BCAS3: variants seen among roughly 807,000 people sequenced by gnomAD.
BCAS3 encodes BCAS3 microtubule associated cell migration factor.
In BCAS3, 53 loss-of-function variants were observed where a neutral mutation model predicts 116.1. That is an observed-to-expected ratio of 0.46 (90% CI 0.37 to 0.57). BCAS3 has a LOEUF of 0.57. Among genes scored for constraint, BCAS3 ranks in the 20% least tolerant of loss-of-function variants. The pLI, the probability that BCAS3 is intolerant of heterozygous loss-of-function variation, is 0.00. For synonymous variants in BCAS3, 391 were observed against 408.2 expected (o/e 0.96, Z 0.51); for missense variants, 917 against 1,165.4 (o/e 0.79, Z 3.10).
chr17:61,150,686 C>G (rs545379924), intron 22 of BCAS3, among the ~76,000 whole-genome samples: 108 of 152,302 alleles, frequency 7.1e-4, no homozygotes, highest in African/African-American at 2.5e-3. Context: ...CGTATAACTT[C>G]TCATAATTAG....
intron 5 of BCAS3, among the ~76,000 whole-genome samples, chr17:60,718,409 A>G (rs1285899942): frequency 4.6e-5 from 7 of 152,248 alleles, no homozygotes; most frequent in East Asian, 1.9e-4. Flanking sequence ...TTGCATGCAT[A>G]TAATTAACTA....
intron 22 of BCAS3, among the ~76,000 whole-genome samples, chr17:61,334,664 C>CAAAAAAAAAA (rs35400660): frequency 2.0e-5 from 1 of 50,888 alleles, no homozygotes; most frequent in African/African-American, 6.8e-5. Context: ...AACTCCATCT[C>CAAAAAAAAAA]AAAAAAAAAA....
rs1018636706 is a variant in BCAS3 at position 60,990,702 on chromosome 17, A to G, written c.1486+467A>G. On this transcript the variant is annotated intron_variant, in intron 15 of 23. Coordinates refer to ENST00000407086, the MANE Select transcript of BCAS3 (RefSeq NM_017679.5). The surrounding 1 kb of genome is among the most constrained non-coding windows in gnomAD (Gnocchi z 5.1). The stretch of plus-strand genomic sequence containing the variant: ...TGCACTGTAGCCTGGGCTGGCATGC[A>G]ATGGCGTGATCTCGGCTGACTGCAA... Among the ~76,000 whole-genome samples, 3 of 151,356 alleles carry G rather than the reference A, an allele frequency of 2.0e-5. No individual in the cohort carries two copies. Among genetic ancestry groups the G allele is most frequent in the African/African-American group, 4.9e-5 (2 of 41,122 alleles).
At position 61,380,546 on chromosome 17, in the gene BCAS3, G is replaced by A; in HGVS notation, c.2594-11431G>A. Reference sequence around the variant, plus strand: ...TAGCAGTAAAAACCTTCCCCCCTGAGAGACACGTGGCAGTGAAGTGTTTTG... The same window carrying A: ...TAGCAGTAAAAACCTTCCCCCCTGAAAGACACGTGGCAGTGAAGTGTTTTG... On this transcript the variant is annotated intron_variant, in intron 23 of 23. Coordinates refer to ENST00000407086, the MANE Select transcript of BCAS3 (RefSeq NM_017679.5). This position sits in a 1 kb window ranked among gnomAD's most constrained non-coding sequence, Gnocchi z 4.2. 1 of 1,598,290 alleles carries A rather than the reference G, an allele frequency of 6.3e-7. No homozygotes were observed.
intron 7 of BCAS3, among the ~76,000 whole-genome samples, chr17:60,848,488 G>A (rs1316399931): frequency 6.6e-6 from 1 of 152,076 alleles, no homozygotes; most frequent in Non-Finnish European, 1.5e-5. Flanking sequence ...TGGAATTTTC[G>A]ACATATAAGA....
chr17:60,888,313 GTTAGA>G (rs900497204), intron 9 of BCAS3, among the ~76,000 whole-genome samples: 5 of 152,176 alleles, frequency 3.3e-5, no homozygotes, highest in African/African-American at 1.2e-4. Context: ...TTTATTGAGA[GTTAGA>G]TTATTTAGTT....
intron 13 of BCAS3, among the ~76,000 whole-genome samples, chr17:60,933,348 A>T (rs968276396): frequency 6.6e-6 from 1 of 152,184 alleles, no homozygotes; most frequent in Admixed American, 6.5e-5. Context: ...TAATTCAGTA[A>T]ATAATTGATT....
chr17:61,312,409 G>A (rs999462196), intron 22 of BCAS3, among the ~76,000 whole-genome samples: 3 of 152,158 alleles, frequency 2.0e-5, no homozygotes, highest in South Asian at 4.1e-4. Context: ...TTGGCACACC[G>A]CAAATTGACA....
intron 6 of BCAS3, among the ~76,000 whole-genome samples, chr17:60,767,695 T>C (rs1049685599): frequency 1.3e-5 from 2 of 152,270 alleles, no homozygotes; most frequent in Admixed American, 6.5e-5. Flanking sequence ...ATTGTTTTCC[T>C]TTGGAGCTTT....
chr17:61,359,364 C>G (rs1212661650), intron 22 of BCAS3, among the ~76,000 whole-genome samples: 1 of 151,934 alleles, frequency 6.6e-6, no homozygotes, highest in Non-Finnish European at 1.5e-5. Context: ...TGAATCTGGG[C>G]AGCCTCCATT....
At position 61,028,182 on chromosome 17, in the gene BCAS3, T is replaced by G. The variant is rs922225225; in HGVS notation, c.1638-6484T>G. Among the ~76,000 whole-genome samples, 1 of 151,894 alleles carries G rather than the reference T, an allele frequency of 6.6e-6. No homozygotes were observed. ...AGGTTAATTATTATTTGACACAAAC[T>G]TATTTCAATGTTTATATGCCATAGG... On this transcript the variant is annotated intron_variant, in intron 16 of 23. Coordinates refer to ENST00000407086, the MANE Select transcript of BCAS3 (RefSeq NM_017679.5). The surrounding 1 kb of genome is among the most constrained non-coding windows in gnomAD (Gnocchi z 4.3).
At chr17:60,924,633 A>G (rs1461001243) in intron 13 of BCAS3, 133 bp downstream of exon 13, 6 of 559,838 alleles carry the variant, frequency 1.1e-5, no homozygotes, top group Non-Finnish European at 1.8e-5. Context: ...TTATTAAGTC[A>G]TTATATTGAA....
At chr17:61,000,771 T>C (rs1469036657) in intron 15 of BCAS3, among the ~76,000 whole-genome samples, 1 of 152,170 alleles carries the variant, frequency 6.6e-6, no homozygotes, top group Non-Finnish European at 1.5e-5. Flanking sequence ...AGGCTCAATG[T>C]TGATAAGCTC....
intron 22 of BCAS3, among the ~76,000 whole-genome samples, chr17:61,103,734 C>T (rs534336915): frequency 2.6e-5 from 4 of 152,268 alleles, no homozygotes; most frequent in African/African-American, 7.2e-5. Flanking sequence ...GTTTCTATTG[C>T]TCCCTCACAG....
chr17:61,288,049 ACAGT>A (rs1175308068), intron 22 of BCAS3, among the ~76,000 whole-genome samples: 3 of 152,360 alleles, frequency 2.0e-5, no homozygotes, highest in South Asian at 4.1e-4. Context: ...AGTGTAAAAG[ACAGT>A]CAGAAGCCCT....
rs921304307 is a variant in BCAS3 at position 61,388,446 on chromosome 17, C to A, written c.2594-3531C>A. 3 of 606,688 alleles carry A rather than the reference C, an allele frequency of 4.9e-6. No homozygotes were observed. Among genetic ancestry groups the A allele is most frequent in the African/African-American group, 1.9e-5 (1 of 53,644 alleles). 37.6% of individuals were successfully genotyped at this position (606,688 alleles called of 1,614,324 possible). Reference sequence around the variant, plus strand: ...TGGGACCCCCAAGACAGATTGGTCCCCAGCCCCTACACATGCATGTCACTG... The same window carrying A: ...TGGGACCCCCAAGACAGATTGGTCCACAGCCCCTACACATGCATGTCACTG... On this transcript the variant is annotated intron_variant, in intron 23 of 23. Transcript: ENST00000407086. The surrounding 1 kb of genome is among the most constrained non-coding windows in gnomAD (Gnocchi z 6.5).
In BCAS3 at chr17:60,889,732, T is replaced by A; in HGVS notation, c.699T>A (p.Ile233=). ...YPCPGPNMNP[I]ALGSRWLAYA... The stretch of plus-strand genomic sequence containing the variant: ...GTCCAGGGCCAAACATGAATCCTAT[T>A]GCTCTTGGGAGCCGCTGGCTTGCTT... Residue 233 remains isoleucine, a synonymous_variant, in exon 10 of 24, where the codon ATT becomes ATA. Coordinates refer to ENST00000407086, the MANE Select transcript of BCAS3 (RefSeq NM_017679.5). 1 of 1,613,450 alleles carries A rather than the reference T, an allele frequency of 6.2e-7. No homozygotes were observed. The highest frequency in any genetic ancestry group is 8.5e-7 in the Non-Finnish European group (1 of 1,179,972).
intron 19 of BCAS3, among the ~76,000 whole-genome samples, chr17:61,072,657 A>G (rs1391790934): frequency 6.8e-6 from 1 of 146,130 alleles, no homozygotes; most frequent in Non-Finnish European, 1.5e-5. Context: ...TTTCCATCAT[A>G]TTACTCGAGC....
intron 22 of BCAS3, among the ~76,000 whole-genome samples, chr17:61,116,116 A>T (rs1438924304): frequency 1.3e-5 from 2 of 150,944 alleles, no homozygotes; most frequent in Admixed American, 1.3e-4. Context: ...GGGGAGGGAT[A>T]GCATTGGGAG....
Sources: gnomAD v4.1 joint callset for allele counts (sites outside exome capture counted in the v4.1 genomes callset) on GRCh38, gnomAD v4.1.1 for gene constraint, Gnocchi (gnomAD v3.1) non-coding constraint, MANE v1.5 for transcripts, NCBI Gene and HGNC (gene_info 2026-07-23, HGNC 2026-07-21) for gene names.